Variants in SCAPER observed in about 807,000 individuals in gnomAD.
SCAPER encodes the protein S phase cyclin A-associated protein in the endoplasmic reticulum.
In SCAPER, 98 loss-of-function variants were observed where a neutral mutation model predicts 182.2. The observed-to-expected ratio is 0.54, with a 90% confidence interval of 0.46 to 0.64. The LOEUF (loss-of-function observed/expected upper bound fraction) is 0.64, where lower values mean the gene tolerates loss of function less well. SCAPER is among the 30% of genes least tolerant of loss of function. SCAPER has a pLI of 0.00. For missense variants in SCAPER, 1,432 were observed against 1,690.0 expected, an observed-to-expected ratio of 0.85 and a Z score of 2.68; for synonymous variants, 605 against 564.6, an observed-to-expected ratio of 1.07 and a Z score of -1.01.
At chr15:76,669,756 A>G (rs936327802) in intron 20 of SCAPER, among the ~76,000 whole-genome samples, 1 of 152,150 alleles carries the variant, frequency 6.6e-6, no homozygotes, top group Admixed American at 6.5e-5. Flanking sequence ...AAGGTTTTTT[A>G]TTACTCCACA....
At chr15:76,872,688 TTATAC>T (rs1048655387) in intron 2 of SCAPER, among the ~76,000 whole-genome samples, 3 of 151,606 alleles carry the variant, frequency 2.0e-5, no homozygotes, top group Admixed American at 6.6e-5. Flanking sequence ...ACATACTATA[TTATAC>T]TATACTATAT....
At chr15:76,528,168 A>G (rs2043347978) in intron 23 of SCAPER, among the ~76,000 whole-genome samples, 1 of 152,240 alleles carries the variant, frequency 6.6e-6, no homozygotes, top group Non-Finnish European at 1.5e-5. Context: ...TTGGTGGGCA[A>G]CTGAAAACAG....
At chr15:76,813,871 T>G (rs1355176838) in intron 5 of SCAPER, among the ~76,000 whole-genome samples, 1 of 152,112 alleles carries the variant, frequency 6.6e-6, no homozygotes, top group Admixed American at 6.5e-5. Context: ...TTAATACTGT[T>G]AAAACATTCA....
chr15:76,389,514 A>G (rs1945356793), intron 27 of SCAPER, among the ~76,000 whole-genome samples: 1 of 147,296 alleles, frequency 6.8e-6, no homozygotes, highest in Admixed American at 6.7e-5. Context: ...AAAAAAAAAA[A>G]AAAAAAAAAA....
intron 22 of SCAPER, among the ~76,000 whole-genome samples, chr15:76,606,705 T>C (rs2050439697): frequency 6.6e-6 from 1 of 151,744 alleles, no homozygotes; most frequent in African/African-American, 2.4e-5. Context: ...TGCTCCTGTA[T>C]TGGGTGCATA....
chr15:76,604,003 T>C (rs1389051225), intron 22 of SCAPER, among the ~76,000 whole-genome samples: 4 of 121,604 alleles, frequency 3.3e-5, no homozygotes, highest in African/African-American at 1.0e-4. Flanking sequence ...TAGTTTCTTT[T>C]GCTGTGCAGA....
chr15:76,621,319 G>A (rs527937068), intron 22 of SCAPER, among the ~76,000 whole-genome samples: 1 of 152,264 alleles, frequency 6.6e-6, no homozygotes, highest in East Asian at 1.9e-4. Context: ...ATGAGAATTA[G>A]CATTAGAGAA....
Position 76,410,582 on chromosome 15 carries a change from T to C in SCAPER, c.3312-5903A>G, listed in dbSNP as rs911879857. Among the ~76,000 whole-genome samples, 18 of 152,352 alleles carry C rather than the reference T, an allele frequency of 1.2e-4. 1 individual carries two copies. Among genetic ancestry groups the C allele is most frequent in the African/African-American group, 3.8e-4 (16 of 41,580 alleles). On this transcript the variant is annotated intron_variant, in intron 26 of 31. Transcript: ENST00000563290. ...GCTAATTCTACCTCTAAAATAGTCC[T>C]AAATCCTTCTTGCTTCCACTCTAAT...
chr15:76,794,450 A>C (rs541578116), intron 8 of SCAPER, among the ~76,000 whole-genome samples: 3 of 152,370 alleles, frequency 2.0e-5, no homozygotes, highest in African/African-American at 7.2e-5. Context: ...CTACTAAGTT[A>C]GTATGAAGAG....
intron 17 of SCAPER, among the ~76,000 whole-genome samples, chr15:76,718,856 C>T (rs1248085156): frequency 2.0e-5 from 3 of 152,036 alleles, no homozygotes; most frequent in South Asian, 4.1e-4. Flanking sequence ...TTATGAAATA[C>T]TAACTCACAC....
chr15:76,398,178 G>A (rs1448552533), intron 27 of SCAPER, among the ~76,000 whole-genome samples: 2 of 152,042 alleles, frequency 1.3e-5, no homozygotes, highest in Non-Finnish European at 2.9e-5. Flanking sequence ...AATTTTAGCT[G>A]CTCTAAAAAA....
At chr15:76,423,789 A>G (rs2046226717) in intron 26 of SCAPER, among the ~76,000 whole-genome samples, 1 of 152,162 alleles carries the variant, frequency 6.6e-6, no homozygotes, top group Non-Finnish European at 1.5e-5. Context: ...ACACTGCTTT[A>G]AATGTGTCCC....
intron 21 of SCAPER, among the ~76,000 whole-genome samples, chr15:76,636,150 G>A (rs764524895): frequency 9.9e-5 from 15 of 152,090 alleles, no homozygotes; most frequent in Non-Finnish European, 2.2e-4. Context: ...TCCTTCTTTT[G>A]TGAAGGAAAG....
chr15:76,890,982 G>A (rs554863817), intron 1 of SCAPER, among the ~76,000 whole-genome samples: 9 of 152,194 alleles, frequency 5.9e-5, no homozygotes, highest in African/African-American at 1.4e-4. Flanking sequence ...CAATCAAGTC[G>A]GCTTCATCCC....
chr15:76,740,077 G>A (rs1227547221), intron 15 of SCAPER, among the ~76,000 whole-genome samples: 1 of 152,178 alleles, frequency 6.6e-6, no homozygotes, highest in Admixed American at 6.5e-5. Flanking sequence ...GACTCAGTAA[G>A]ATCACTTGAG....
At chr15:76,867,337 T>C (rs1270169020) in intron 2 of SCAPER, among the ~76,000 whole-genome samples, 10 of 152,188 alleles carry the variant, frequency 6.6e-5, no homozygotes. Context: ...TTCTCTTAAA[T>C]TCCCACTACT....
chr15:76,724,922 A>G (rs2060490216), intron 17 of SCAPER, among the ~76,000 whole-genome samples: 1 of 152,088 alleles, frequency 6.6e-6, no homozygotes, highest in South Asian at 2.1e-4. Flanking sequence ...TTCTTCTCTC[A>G]ACGCGTCAAA....
At chr15:76,564,038 G>A (rs750633080) in intron 23 of SCAPER, among the ~76,000 whole-genome samples, 11 of 152,114 alleles carry the variant, frequency 7.2e-5, no homozygotes, top group East Asian at 1.9e-4. Context: ...AGCCATCTAC[G>A]ACAAACCCAC....
chr15:76,506,725 T>G (rs1167505628), intron 23 of SCAPER, among the ~76,000 whole-genome samples: 2 of 152,224 alleles, frequency 1.3e-5, no homozygotes, highest in East Asian at 3.9e-4. Context: ...AATATAGACT[T>G]CCACAAAGAT....
Sources: allele counts gnomAD v4.1 joint callset (sites outside exome capture counted in the v4.1 genomes callset), GRCh38; gene constraint gnomAD v4.1.1; transcripts MANE v1.5; gene names NCBI Gene and HGNC (gene_info 2026-07-23, HGNC 2026-07-21).